The following ERN1 variants were observed in gnomAD, a reference collection of about 807,000 sequenced individuals.
The protein encoded by ERN1 is endoplasmic reticulum to nucleus signaling 1, also known as serine/threonine-protein kinase/endoribonuclease IRE1.
A neutral mutation model predicts 113.1 loss-of-function variants in ERN1; 39 were observed. The ratio of observed to expected loss-of-function variants is 0.34; its 90% CI spans 0.27 to 0.45. The LOEUF (loss-of-function observed/expected upper bound fraction) is 0.45. Ranked by LOEUF, ERN1 falls within the 20% of genes least tolerant of loss-of-function variation. ERN1 has a pLI of 1.00. For synonymous variants in ERN1, 507 were observed against 515.9 expected, an observed-to-expected ratio of 0.98 and a Z score of 0.23; for missense variants, 976 against 1,274.8, an observed-to-expected ratio of 0.77 and a Z score of 3.57.
At chr17:64,089,267 C>T (rs193019109) in intron 2 of ERN1, among the ~76,000 whole-genome samples, 20 of 137,026 alleles carry the variant, frequency 1.5e-4, no homozygotes, top group Non-Finnish European at 2.0e-4. Flanking sequence ...TGCAGTGAGC[C>T]GAGATCGTGC....
At chr17:64,067,425 T>G (rs1326411821) in intron 7 of ERN1, among the ~76,000 whole-genome samples, 1 of 21,070 alleles carries the variant, frequency 4.7e-5, no homozygotes, top group African/African-American at 1.5e-4. Context: ...CCCCCGTCTC[T>G]ACAAAAAAAA....
rs1913434564 is a variant in ERN1, at chr17:64,071,982, T to C, written c.477A>G (p.Thr159=). 6.4e-7 allele frequency: 1 copy of C among 1,561,550 alleles called. No individual in the cohort carries two copies. The highest frequency in any genetic ancestry group is 1.9e-5 in the Admixed American group (1 of 51,692). ...PSTSLLYLGR[T]EYTITMYDTK... Reference sequence around the variant, plus strand: ...AGAAGACAAAGGTTCATTTCTTACCTGTTCGCCCAAGATACAGAAGAGAGG... The same window carrying C: ...AGAAGACAAAGGTTCATTTCTTACCCGTTCGCCCAAGATACAGAAGAGAGG... Residue 159 remains threonine (T), a splice_region_variant and synonymous_variant, in exon 6 of 22, where the codon ACA becomes ACG. Coordinates refer to ENST00000433197, the MANE Select transcript of ERN1 (RefSeq NM_001433.5).
Position 64,049,115 on chromosome 17 carries a change from G to A in ERN1, c.2341C>T (p.Arg781Trp), listed in dbSNP as rs938784542. 3.7e-6 allele frequency: 6 copies of A among 1,610,414 alleles called. No homozygotes were observed. The highest frequency in any genetic ancestry group is 4.2e-6 in the Non-Finnish European group (5 of 1,177,208). ...GCACCCAGGAGGATGTTGGCCTGCC[G>A]CTGCAGGGACTTGCCAAAAGGGTGG... ...GSHPFGKSLQ[R>W]QANILLGACS... is the part of the protein sequence containing the mutation. Residue 781 changes from arginine (R) to tryptophan (W), a missense_variant, in exon 18 of 22, where the codon CGG becomes TGG. By Grantham distance (101) the Arg-to-Trp change is moderately radical. This residue lies in a region of ERN1 where 297 missense variants were observed against 457.8 expected (regional missense o/e 0.65). Coordinates refer to ENST00000433197, the MANE Select transcript of ERN1 (RefSeq NM_001433.5). The surrounding 1 kb of genome is among the most constrained non-coding windows in gnomAD (Gnocchi z 4.7).
In ERN1 at chr17:64,079,662, C is replaced by T. The variant is rs761378076; in HGVS notation, c.282G>A (p.Thr94=). Residue 94 remains threonine, a splice_region_variant and synonymous_variant, in exon 4 of 22, where the codon ACG becomes ACA. Coordinates refer to ENST00000433197, the MANE Select transcript of ERN1 (RefSeq NM_001433.5). ...TLGSKNNEGL[T]KLPFTIPELV... is the part of the protein sequence containing the mutation. ...ACAAAAAGCAGCTAAATATACTCAC[C>T]GTCAGGCCTTCATTATTCTTGCTTC... is the stretch of plus-strand genomic sequence containing the variant. 1.2e-5 allele frequency: 20 copies of T among 1,612,958 alleles called. No individual in the cohort carries two copies. Among genetic ancestry groups the T allele is most frequent in the East Asian group, 8.9e-5 (4 of 44,876 alleles).
intron 10 of ERN1, among the ~76,000 whole-genome samples, chr17:64,061,883 G>C (rs916428888): frequency 1.3e-5 from 2 of 152,226 alleles, no homozygotes; most frequent in Non-Finnish European, 2.9e-5. Context: ...TCAGTGCTCA[G>C]GGTCCTACCT....
intron 3 of ERN1, 62 bp from the exon 4 acceptor site, chr17:64,079,796 A>C (rs1224875413): frequency 1.4e-5 from 18 of 1,322,746 alleles, no homozygotes. Context: ...ACAACATACC[A>C]AAGCCACGCA....
intron 8 of ERN1, among the ~76,000 whole-genome samples, chr17:64,065,971 T>C (rs755441559): frequency 7.2e-5 from 11 of 152,174 alleles, no homozygotes; most frequent in African/African-American, 2.7e-4. Flanking sequence ...TCTCAACGAA[T>C]ACCTTACATT....
chr17:64,040,260 C>G lies in ERN1; in HGVS notation c.*3728G>C, dbSNP rs1912296185. The G allele has an allele frequency of 6.6e-6, 1 of 152,248 alleles. No individual in the cohort carries two copies. The highest frequency in any genetic ancestry group is 2.4e-5 in the African/African-American group (1 of 41,434). The allele number at this position is 152,248 out of a possible 1,614,324, so 9.4% of individuals were successfully genotyped here. ...CCAGGGCGCTGGGCTTCTCTTCCAG[C>G]ACAGAAGGCTGCAAAAGTGGAACTG... On this transcript the variant is annotated 3_prime_UTR_variant, in exon 22 of 22. Transcript: ENST00000433197.
chr17:64,065,133 T>G (rs1455806479), intron 9 of ERN1, 76 bp downstream of exon 9: 2 of 985,468 alleles, frequency 2.0e-6, no homozygotes, highest in African/African-American at 3.3e-5. Flanking sequence ...AGGATGCTCA[T>G]GCATAGCAAA....
chr17:64,044,140 C>A lies in ERN1; in HGVS notation c.2782G>T (p.Asp928Tyr), dbSNP rs1168524911. The change falls in exon 22 of 22, where the codon GAC becomes TAC. Residue 928 changes from aspartate to tyrosine, a missense_variant. Transcript: ENST00000433197. This position sits in a 1 kb window ranked among gnomAD's most constrained non-coding sequence, Gnocchi z 4.1. ...CGAGATGTGAAGTAGCACACGAAGT[C>A]GTCGGGGAGGGACCCCAGCGTCTCC... ...VRETLGSLPDDFVCYFTSRFP... is the reference protein window; with the variant it reads ...VRETLGSLPDYFVCYFTSRFP... 1 of 1,604,332 alleles carries A rather than the reference C, an allele frequency of 6.2e-7. No individual in the cohort carries two copies. Among genetic ancestry groups the A allele is most frequent in the East Asian group, 2.2e-5 (1 of 44,522 alleles).
At chr17:64,107,133 T>C (rs1914550855) in intron 1 of ERN1, among the ~76,000 whole-genome samples, 2 of 152,070 alleles carry the variant, frequency 1.3e-5, no homozygotes, top group Admixed American at 6.6e-5. Flanking sequence ...ACCAAAGCAG[T>C]AGAACACTGA....
At chr17:64,112,373 A>C (rs1454267915) in intron 1 of ERN1, among the ~76,000 whole-genome samples, 7 of 152,034 alleles carry the variant, frequency 4.6e-5, no homozygotes, top group Non-Finnish European at 8.8e-5. Flanking sequence ...GTCTCAAAAA[A>C]AAAAAAAAAG....
In ERN1 at chr17:64,075,255, A is replaced by G. The variant is rs1053800473; in HGVS notation, c.283-8T>C. 2 of 1,491,346 alleles carry G rather than the reference A, an allele frequency of 1.3e-6. No individual in the cohort carries two copies. Among genetic ancestry groups the G allele is most frequent in the African/African-American group, 3.0e-5 (2 of 66,698 alleles). The allele number at this position is 1,491,346 out of a possible 1,614,324, so 92.4% of individuals were successfully genotyped here. A position where few individuals can be genotyped will look rare whatever the true frequency, so the allele number is the denominator to read the frequency against. ...GATGGTAAAAGGAAGTTTCTTTAAAAAAAAAAAAAAAGAAAAAAAAAAGTT... is the reference window on the plus strand; with the variant it reads ...GATGGTAAAAGGAAGTTTCTTTAAAGAAAAAAAAAAAGAAAAAAAAAAGTT... On this transcript the variant is annotated splice_polypyrimidine_tract_variant and splice_region_variant and intron_variant, in intron 4 of 21. Transcript: ENST00000433197.
intron 2 of ERN1, among the ~76,000 whole-genome samples, chr17:64,087,219 G>A (rs1913960604): frequency 6.6e-6 from 1 of 152,084 alleles, no homozygotes; most frequent in Middle Eastern, 3.2e-3. Context: ...CCACCTTCCT[G>A]CCTTCTTACC....
chr17:64,045,452 G>A lies in ERN1; in HGVS notation c.2560C>T (p.Leu854=). The A allele has an allele frequency of 6.2e-7, 1 of 1,613,986 alleles. No homozygotes were observed. The highest frequency in any genetic ancestry group is 8.5e-7 in the Non-Finnish European group (1 of 1,179,896). The change falls in exon 20 of 22, where the codon CTG becomes TTG. Residue 854 remains leucine (L), a synonymous_variant. Transcript: ENST00000433197. ...DVSDRIEKES[L]DGPIVKQLER... Reference sequence around the variant, plus strand: ...AACTGCTTCACGATCGGGCCATCCAGGGATTCCTTTTCTATTCTGTCGCTC... The same window carrying A: ...AACTGCTTCACGATCGGGCCATCCAAGGATTCCTTTTCTATTCTGTCGCTC...
intron 2 of ERN1, among the ~76,000 whole-genome samples, chr17:64,095,235 C>G (rs1914197460): frequency 6.6e-6 from 1 of 152,070 alleles, no homozygotes; most frequent in African/African-American, 2.4e-5. Context: ...TTGAGACCAC[C>G]CTGGCCAACA....
intron 2 of ERN1, among the ~76,000 whole-genome samples, chr17:64,091,333 A>G (rs1914082982): frequency 6.6e-6 from 1 of 152,220 alleles, no homozygotes; most frequent in Non-Finnish European, 1.5e-5. Flanking sequence ...ATTCATCCTG[A>G]GAAGGCAGTC....
At position 64,065,248 on chromosome 17, in the gene ERN1, A is replaced by G; in HGVS notation, c.882T>C (p.Tyr294=). The G allele has an allele frequency of 6.2e-7, 1 of 1,609,698 alleles. No individual in the cohort carries two copies. Residue 294 remains tyrosine (Y), a synonymous_variant, in exon 9 of 22, where the codon TAT becomes TAC. Transcript: ENST00000433197. ...CCTCGTGTACCATTGAGGGAGAGGCATAGAGGCTGGTAGAGTATTTCCCAA... is the reference window on the plus strand; with the variant it reads ...CCTCGTGTACCATTGAGGGAGAGGCGTAGAGGCTGGTAGAGTATTTCCCAA... ...LYVGKYSTSL[Y]ASPSMVHEGV...
chr17:64,118,444 T>C (rs1387704379), intron 1 of ERN1, among the ~76,000 whole-genome samples: 1 of 152,212 alleles, frequency 6.6e-6, no homozygotes, highest in Non-Finnish European at 1.5e-5. Flanking sequence ...GCAGAACTGG[T>C]CTGCCACTTG....
Sources: gnomAD v4.1 joint callset for allele counts (sites outside exome capture counted in the v4.1 genomes callset) on GRCh38, gnomAD v4.1.1 for gene constraint, gnomAD v4.1.1 regional missense constraint, Gnocchi (gnomAD v3.1) non-coding constraint, MANE v1.5 for transcripts, NCBI Gene and HGNC (gene_info 2026-07-23, HGNC 2026-07-21) for gene names.